BTNL8: variants seen among roughly 807,000 people sequenced by gnomAD.
BTNL8 encodes the protein butyrophilin-like protein 8.
BTNL8 carries 22 observed loss-of-function variants against 36.1 expected under a neutral mutation model. The ratio of observed to expected loss-of-function variants is 0.61; its 90% CI spans 0.44 to 0.87. The LOEUF is 0.87. Among genes scored for constraint, BTNL8 ranks in the 40% least tolerant of loss-of-function variants. The probability of loss-of-function intolerance (pLI) is 0.00; values close to 1 mark genes in which losing one functional copy is unlikely to be tolerated. For missense variants in BTNL8, 526 were observed against 616.9 expected, an observed-to-expected ratio of 0.85 and a Z score of 1.56; for synonymous variants, 203 against 235.6, an observed-to-expected ratio of 0.86 and a Z score of 1.27.
At chr5:180,900,772 C>G (rs749719456) in intron 1 of BTNL8, among the ~76,000 whole-genome samples, 3 of 152,174 alleles carry the variant, frequency 2.0e-5, no homozygotes, top group African/African-American at 7.2e-5. Context: ...CGCTAATGAG[C>G]GTTGCTGCGG....
chr5:180,937,589 TAGAG>T (rs1336152214), intron 3 of BTNL8, among the ~76,000 whole-genome samples: 1 of 151,704 alleles, frequency 6.6e-6, no homozygotes, highest in East Asian at 1.9e-4. Flanking sequence ...AGAGCAGAAA[TAGAG>T]AGTAGAAAAA....
At chr5:180,929,314 C>G (rs6884082) in intron 3 of BTNL8, among the ~76,000 whole-genome samples, 68,268 of 151,974 alleles carry the variant, frequency 0.45, 16,430 homozygotes, top group African/African-American at 0.63. Flanking sequence ...AGCTAAAGCA[C>G]TGTTTAGAGA....
At chr5:180,908,283 T>C (rs1757202552) in intron 1 of BTNL8, among the ~76,000 whole-genome samples, 1 of 149,196 alleles carries the variant, frequency 6.7e-6, no homozygotes, top group African/African-American at 2.4e-5. Flanking sequence ...TCCAGGTGCG[T>C]CCGTCACCCC....
intron 4 of BTNL8, chr5:180,947,934 T>TA: frequency 1.1e-6 from 1 of 884,708 alleles, no homozygotes; most frequent in Non-Finnish European, 1.7e-6. Flanking sequence ...AAAGTTTTAA[T>TA]GTGGTGAACA....
Position 180,911,545 on chromosome 5 carries a change from G to C in BTNL8, c.604G>C (p.Gly202Arg), listed in dbSNP as rs540479681. 2 of 1,612,680 alleles carry C rather than the reference G, an allele frequency of 1.2e-6. No homozygotes were observed. Among genetic ancestry groups the C allele is most frequent in the African/African-American group, 1.3e-5 (1 of 74,418 alleles). Residue 202 changes from glycine to arginine, a missense_variant, in exon 3 of 8, where the codon GGG (glycine) becomes CGG (arginine). Transcript: ENST00000340184. ...CTCTCTGACCGTCCAAGAGAACGCC[G>C]GGAGCATATCCTGTTCCATGCGGCA... is the stretch of plus-strand genomic sequence containing the variant. ...EISLTVQENA[G>R]SISCSMRHAH...
chr5:180,902,517 G>T (rs1189074498), intron 1 of BTNL8: 13 of 807,010 alleles, frequency 1.6e-5, no homozygotes, highest in East Asian at 3.3e-5. Context: ...ACTATAAAGG[G>T]TTTTTTTTTT....
intron 3 of BTNL8, among the ~76,000 whole-genome samples, chr5:180,937,642 T>C (rs567956304): frequency 2.0e-5 from 3 of 152,272 alleles, no homozygotes; most frequent in African/African-American, 7.2e-5. Context: ...GTGGTTTATA[T>C]ATAATGTTAT....
intron 3 of BTNL8, 22 bp from the exon 4 acceptor site, chr5:180,947,490 T>C (rs1213513357): frequency 1.2e-6 from 2 of 1,609,722 alleles, no homozygotes; most frequent in Non-Finnish European, 1.7e-6. Flanking sequence ...ATAACTAAAA[T>C]GTCTGTGGGA....
intron 3 of BTNL8, among the ~76,000 whole-genome samples, chr5:180,939,415 T>A (rs1758817535): frequency 6.6e-6 from 1 of 152,032 alleles, no homozygotes; most frequent in Admixed American, 6.6e-5. Context: ...ATACTTATAT[T>A]AGATAAGATA....
intron 3 of BTNL8, among the ~76,000 whole-genome samples, chr5:180,941,863 G>A (rs1758974116): frequency 6.6e-6 from 1 of 151,962 alleles, no homozygotes; most frequent in African/African-American, 2.4e-5. Context: ...AAAGTTGAAA[G>A]CTTTTCAATA....
chr5:180,924,829 T>C (rs1226065902), intron 3 of BTNL8, among the ~76,000 whole-genome samples: 2 of 152,212 alleles, frequency 1.3e-5, no homozygotes, highest in Admixed American at 1.3e-4. Flanking sequence ...TATGCAAGTC[T>C]ATGAGACCAC....
intron 3 of BTNL8, among the ~76,000 whole-genome samples, chr5:180,936,143 T>C (rs1758645896): frequency 6.6e-6 from 1 of 152,054 alleles, no homozygotes; most frequent in Non-Finnish European, 1.5e-5. Flanking sequence ...TCTCTTGACC[T>C]TGTGATCTGC....
At chr5:180,932,247 C>G (rs901221039) in intron 3 of BTNL8, among the ~76,000 whole-genome samples, 3 of 152,152 alleles carry the variant, frequency 2.0e-5, no homozygotes, top group African/African-American at 7.2e-5. Context: ...AGGAGAAATA[C>G]GTAATGTAGA....
intron 3 of BTNL8, among the ~76,000 whole-genome samples, chr5:180,912,166 G>C (rs1264814847): frequency 6.6e-6 from 1 of 152,070 alleles, no homozygotes; most frequent in Non-Finnish European, 1.5e-5. Flanking sequence ...CTGAACCACT[G>C]GCTCTTTCTA....
chr5:180,948,575 G>A lies in BTNL8; in HGVS notation c.808+200G>A, dbSNP rs1759391614. On this transcript the variant is annotated intron_variant, in intron 5 of 7. Coordinates refer to ENST00000340184, the MANE Select transcript of BTNL8 (RefSeq NM_001040462.3). Reference sequence around the variant, plus strand: ...ATCTGGAGGGCTTAGGATAGGCCCCGGGGCCTGGAAGTCCCCACAAATTGT... The same window carrying A: ...ATCTGGAGGGCTTAGGATAGGCCCCAGGGCCTGGAAGTCCCCACAAATTGT... The A allele has an allele frequency of 3.7e-6, 5 of 1,353,248 alleles. No homozygotes were observed. In the South Asian group the frequency reaches 3.8e-5, roughly 10 times the overall value. 83.8% of individuals were successfully genotyped at this position (1,353,248 alleles called of 1,614,324 possible).
At chr5:180,943,130 C>CT (rs35271643) in intron 3 of BTNL8, among the ~76,000 whole-genome samples, 57,453 of 100,730 alleles carry the variant, frequency 0.57, 18,186 homozygotes, top group African/African-American at 0.74. Flanking sequence ...GGAAGATAGA[C>CT]TTTTTTTTTT....
intron 1 of BTNL8, 26 bp downstream of exon 1, chr5:180,899,385 T>TACTA: frequency 2.5e-6 from 4 of 1,602,332 alleles, no homozygotes; most frequent in Non-Finnish European, 3.4e-6. Flanking sequence ...GTTTCCTCCT[T>TACTA]ACTAACTAAC....
chr5:180,946,577 T>C lies in BTNL8; in HGVS notation c.674-935T>C, dbSNP rs575428863. Among the ~76,000 whole-genome samples the C allele has an allele frequency of 6.6e-5, 10 of 152,162 alleles. No individual in the cohort carries two copies. In the East Asian group the frequency reaches 1.5e-3, roughly 23 times the overall value. Reference sequence around the variant, plus strand: ...GCTAAAAAAGTTGAACTCATAACAATAGAGAGTAGAATGTTACCAGAGGCT... The same window carrying C: ...GCTAAAAAAGTTGAACTCATAACAACAGAGAGTAGAATGTTACCAGAGGCT... On this transcript the variant is annotated intron_variant, in intron 3 of 7. Coordinates refer to ENST00000340184, the MANE Select transcript of BTNL8 (RefSeq NM_001040462.3).
chr5:180,932,021 C>A (rs918990057), intron 3 of BTNL8, among the ~76,000 whole-genome samples: 6 of 152,162 alleles, frequency 3.9e-5, no homozygotes, highest in Admixed American at 6.5e-5. Flanking sequence ...ATGTTTATTG[C>A]AGCACTGTTC....
Sources: allele counts gnomAD v4.1 joint callset (sites outside exome capture counted in the v4.1 genomes callset), GRCh38; gene constraint gnomAD v4.1.1; transcripts MANE v1.5; gene names NCBI Gene and HGNC (gene_info 2026-07-23, HGNC 2026-07-21).